Variants in SRD5A2 observed in about 807,000 individuals in gnomAD.
SRD5A2 encodes the protein steroid 5 alpha-reductase 2.
In SRD5A2, 30 loss-of-function variants were observed where a neutral mutation model predicts 27.4. The ratio of observed to expected loss-of-function variants is 1.10; its 90% CI spans 0.82 to 1.49. The LOEUF (loss-of-function observed/expected upper bound fraction) is 1.49. Among genes scored for constraint, SRD5A2 ranks in the 40% most tolerant of loss-of-function variants. The pLI is 0.00. For missense variants in SRD5A2, 348 were observed against 323.4 expected, an observed-to-expected ratio of 1.08 and a Z score of -0.58; for synonymous variants, 141 against 133.6, an observed-to-expected ratio of 1.06 and a Z score of -0.38.
At chr2:31,560,137 G>T (rs1428653504) in intron 1 of SRD5A2, among the ~76,000 whole-genome samples, 1 of 149,794 alleles carries the variant, frequency 6.7e-6, no homozygotes, top group East Asian at 2.0e-4. Context: ...GGTGCTCCAG[G>T]ATATTCTAAG....
the SRD5A2 span, among the ~76,000 whole-genome samples, chr2:31,586,218 C>A: frequency 6.6e-6 from 1 of 152,034 alleles, no homozygotes; most frequent in Non-Finnish European, 1.5e-5. Flanking sequence ...CCCCCGAGTC[C>A]CCCCAGCTCA....
intron 1 of SRD5A2, among the ~76,000 whole-genome samples, chr2:31,580,299 C>G (rs1667044877): frequency 1.3e-5 from 2 of 152,234 alleles, no homozygotes; most frequent in African/African-American, 4.8e-5. Flanking sequence ...AATAGGTCTC[C>G]CCAACCTGAG....
chr2:31,629,934 A>T, the SRD5A2 span, among the ~76,000 whole-genome samples: 1 of 152,136 alleles, frequency 6.6e-6, no homozygotes, highest in Non-Finnish European at 1.5e-5. Context: ...AAGTGATCTA[A>T]GGAAGCTCTA....
the SRD5A2 span, among the ~76,000 whole-genome samples, chr2:31,660,422 T>C: frequency 6.6e-6 from 1 of 152,138 alleles, no homozygotes; most frequent in Non-Finnish European, 1.5e-5. Flanking sequence ...CCTCTAGGGA[T>C]ACAAAAACAC....
chr2:31,641,542 A>C, the SRD5A2 span, among the ~76,000 whole-genome samples: 2 of 152,202 alleles, frequency 1.3e-5, no homozygotes, highest in Non-Finnish European at 2.9e-5. Context: ...ACCATCCTTT[A>C]CAATATCTCT....
chr2:31,598,516 G>T, the SRD5A2 span, among the ~76,000 whole-genome samples: 45 of 151,496 alleles, frequency 3.0e-4, no homozygotes, highest in Non-Finnish European at 5.9e-4. Context: ...AAAAGAAGGG[G>T]GAAAAATAAC....
At chr2:31,579,072 A>G (rs1484677828) in intron 1 of SRD5A2, among the ~76,000 whole-genome samples, 1 of 152,246 alleles carries the variant, frequency 6.6e-6, no homozygotes, top group Non-Finnish European at 1.5e-5. Flanking sequence ...TGTGCAAATT[A>G]AACCATCTAA....
At chr2:31,542,310 A>T (rs1366014858) in intron 1 of SRD5A2, among the ~76,000 whole-genome samples, 5 of 152,222 alleles carry the variant, frequency 3.3e-5, no homozygotes, top group African/African-American at 1.2e-4. Context: ...ATAAAATTTA[A>T]AAGCCTAGGC....
chr2:31,523,166 CAT>C lies in SRD5A2; in HGVS notation c.*3028_*3029del, dbSNP rs763413216. On this transcript the variant is annotated 3_prime_UTR_variant, in exon 5 of 5. Coordinates refer to ENST00000622030, the MANE Select transcript of SRD5A2 (RefSeq NM_000348.4). ...AAACCTTTTTTCCATGCTGAACACA[CAT>C]GTTGTCTTGACTACACCAATGAGGG... The C allele has an allele frequency of 1.6e-4, 35 of 215,968 alleles. No homozygotes were observed. The highest frequency in any genetic ancestry group is 2.5e-4 in the Non-Finnish European group (27 of 107,194). The allele number at this position is 215,968 out of a possible 1,614,324, so 13.4% of individuals were successfully genotyped here.
At chr2:31,630,181 C>T in the SRD5A2 span, among the ~76,000 whole-genome samples, 1 of 152,342 alleles carries the variant, frequency 6.6e-6, no homozygotes, top group East Asian at 1.9e-4. Context: ...CAAGCCTTGG[C>T]TCCTTGGCCA....
intron 1 of SRD5A2, among the ~76,000 whole-genome samples, chr2:31,541,392 T>C (rs1666126053): frequency 6.7e-6 from 1 of 149,254 alleles, no homozygotes; most frequent in African/African-American, 2.5e-5. Flanking sequence ...ATATAGCCCA[T>C]TCAAAGGAAA....
chr2:31,580,107 A>G (rs867216175), intron 1 of SRD5A2, among the ~76,000 whole-genome samples: 4 of 152,198 alleles, frequency 2.6e-5, no homozygotes, highest in African/African-American at 7.2e-5. Flanking sequence ...GACTAAATCA[A>G]TGAGAACCTC....
At chr2:31,541,835 GAA>G (rs1356567904) in intron 1 of SRD5A2, among the ~76,000 whole-genome samples, 1 of 152,196 alleles carries the variant, frequency 6.6e-6, no homozygotes, top group Non-Finnish European at 1.5e-5. Context: ...TGTCACAATG[GAA>G]AGTAAAGCTG....
chr2:31,539,318 C>T (rs904270077), intron 1 of SRD5A2, among the ~76,000 whole-genome samples: 1 of 152,102 alleles, frequency 6.6e-6, no homozygotes, highest in Non-Finnish European at 1.5e-5. Flanking sequence ...AAAGGCCAAA[C>T]AAAATCTTAC....
chr2:31,568,668 C>T (rs1024952954), intron 1 of SRD5A2, among the ~76,000 whole-genome samples: 2 of 152,172 alleles, frequency 1.3e-5, no homozygotes, highest in South Asian at 2.1e-4. Context: ...GGGTTTCACC[C>T]GAGACCTGCC....
At chr2:31,632,965 G>A in the SRD5A2 span, among the ~76,000 whole-genome samples, 14 of 152,248 alleles carry the variant, frequency 9.2e-5, no homozygotes, top group Non-Finnish European at 4.4e-5. Context: ...ACATCAGGAA[G>A]CCATCAGGAG....
chr2:31,581,865 G>T (rs560422320), upstream of SRD5A2, among the ~76,000 whole-genome samples: 4 of 152,254 alleles, frequency 2.6e-5, no homozygotes, highest in African/African-American at 9.6e-5. Flanking sequence ...CGTCATACAC[G>T]CAGACGCGGT....
intron 1 of SRD5A2, among the ~76,000 whole-genome samples, chr2:31,537,983 T>C (rs948229805): frequency 2.0e-5 from 3 of 152,154 alleles, no homozygotes; most frequent in Non-Finnish European, 4.4e-5. Context: ...CCGTGTGAAA[T>C]AGATTTCTGC....
chr2:31,590,083 C>T, the SRD5A2 span, among the ~76,000 whole-genome samples: 2 of 152,170 alleles, frequency 1.3e-5, no homozygotes, highest in African/African-American at 4.8e-5. Context: ...AGAACCACCT[C>T]TCTGTCCTCC....
Sources: allele counts gnomAD v4.1 joint callset (sites outside exome capture counted in the v4.1 genomes callset), GRCh38; gene constraint gnomAD v4.1.1; transcripts MANE v1.5; gene names NCBI Gene and HGNC (gene_info 2026-07-23, HGNC 2026-07-21).